Variants in B4GALNT3 observed in about 807,000 individuals in gnomAD.
The protein encoded by B4GALNT3 is beta-1,4-N-acetylgalactosaminyltransferase 3.
Under a neutral mutation model 120.2 loss-of-function variants are expected in B4GALNT3, and 86 were observed. The ratio of observed to expected loss-of-function variants is 0.72; its 90% CI spans 0.60 to 0.86. The LOEUF (loss-of-function observed/expected upper bound fraction) is 0.86. B4GALNT3 is among the 40% of genes least tolerant of loss of function. B4GALNT3 has a pLI of 0.00. For synonymous variants in B4GALNT3, 518 were observed against 510.4 expected (o/e 1.01, Z -0.20); for missense variants, 1,167 against 1,298.9 (o/e 0.90, Z 1.56).
chr12:476,552 A>G (rs1293550249), intron 1 of B4GALNT3, among the ~76,000 whole-genome samples: 46 of 152,328 alleles, frequency 3.0e-4, no homozygotes, highest in Non-Finnish European at 1.5e-5. Context: ...TGGAGGCTGT[A>G]GTGAGCTGTG....
chr12:528,795 C>T (rs1946780341), intron 1 of B4GALNT3, among the ~76,000 whole-genome samples: 1 of 152,264 alleles, frequency 6.6e-6, no homozygotes, highest in Admixed American at 6.5e-5. Flanking sequence ...TCCCAGGACT[C>T]AGTGCTGGTT....
At chr12:514,203 T>TG (rs924182030) in intron 1 of B4GALNT3, among the ~76,000 whole-genome samples, 1 of 150,614 alleles carries the variant, frequency 6.6e-6, no homozygotes, top group Non-Finnish European at 1.5e-5. Flanking sequence ...TTTTTGTTTT[T>TG]TTTTTTTTTT....
At chr12:543,896 G>A (rs1326016175) in intron 3 of B4GALNT3, among the ~76,000 whole-genome samples, 69 of 122,408 alleles carry the variant, frequency 5.6e-4, no homozygotes, top group Admixed American at 4.7e-4. Context: ...TCTTCCTGGA[G>A]CTGAGGAGCT....
intron 2 of B4GALNT3, among the ~76,000 whole-genome samples, chr12:535,652 C>T (rs767905515): frequency 5.9e-5 from 9 of 152,120 alleles, no homozygotes; most frequent in East Asian, 1.9e-4. Flanking sequence ...TCAGAGGTGA[C>T]GAGGTGGATG....
chr12:500,042 C>T (rs938263040), intron 1 of B4GALNT3, among the ~76,000 whole-genome samples: 10 of 152,156 alleles, frequency 6.6e-5, no homozygotes, highest in South Asian at 4.1e-4. Flanking sequence ...CTCTCTTGTT[C>T]GATAGCACAG....
At chr12:522,531 G>A (rs1304200954) in intron 1 of B4GALNT3, among the ~76,000 whole-genome samples, 5 of 152,220 alleles carry the variant, frequency 3.3e-5, no homozygotes, top group African/African-American at 9.7e-5. Context: ...GTGGCAGTTC[G>A]TGTTTAATGG....
At chr12:498,041 A>G (rs933493085) in intron 1 of B4GALNT3, among the ~76,000 whole-genome samples, 1 of 152,032 alleles carries the variant, frequency 6.6e-6, no homozygotes, top group Non-Finnish European at 1.5e-5. Context: ...ACTAAACAAT[A>G]AACAAACCTT....
intron 1 of B4GALNT3, among the ~76,000 whole-genome samples, chr12:484,139 G>A (rs1484622514): frequency 2.0e-5 from 3 of 152,154 alleles, no homozygotes; most frequent in African/African-American, 4.8e-5. Context: ...TTCTCTAATC[G>A]TTCCTTGACC....
At chr12:542,477 G>A (rs1307603632) in intron 3 of B4GALNT3, among the ~76,000 whole-genome samples, 2 of 152,234 alleles carry the variant, frequency 1.3e-5, no homozygotes, top group Non-Finnish European at 2.9e-5. Context: ...TCGTGGGCAT[G>A]GCGGGGAGGC....
intron 1 of B4GALNT3, among the ~76,000 whole-genome samples, chr12:512,310 T>TCTTCCAC (rs1197006527): frequency 9.3e-5 from 10 of 107,030 alleles, no homozygotes; most frequent in African/African-American, 3.2e-4. Context: ...CCTTCCACCT[T>TCTTCCAC]CTTCCACCTT....
At chr12:545,770 A>C (rs1352540309) in intron 6 of B4GALNT3, among the ~76,000 whole-genome samples, 16 of 74,724 alleles carry the variant, frequency 2.1e-4, no homozygotes, top group African/African-American at 5.1e-4. Context: ...TGGGGAGGTG[A>C]GAGGAGTGGG....
chr12:547,829 C>G (rs972522778), intron 7 of B4GALNT3, among the ~76,000 whole-genome samples, 195 bp from the exon 8 acceptor site: 1 of 152,154 alleles, frequency 6.6e-6, no homozygotes, highest in Non-Finnish European at 1.5e-5. Flanking sequence ...TTATGCCCAT[C>G]TCACCAAGAG....
intron 1 of B4GALNT3, among the ~76,000 whole-genome samples, chr12:488,118 T>G (rs1035093706): frequency 1.3e-5 from 2 of 149,394 alleles, no homozygotes; most frequent in Non-Finnish European, 3.0e-5. Flanking sequence ...AAGAAGTGAG[T>G]CAAGTGAAAT....
intron 1 of B4GALNT3, among the ~76,000 whole-genome samples, chr12:531,816 C>T (rs1303717916): frequency 1.3e-5 from 2 of 152,056 alleles, no homozygotes; most frequent in Non-Finnish European, 2.9e-5. Context: ...TAGGTCTGGC[C>T]CACATAATTT....
At chr12:561,253 G>A in intron 19 of B4GALNT3, 90 bp from the exon 20 acceptor site, 1 of 936,064 alleles carries the variant, frequency 1.1e-6, no homozygotes, top group African/African-American at 1.6e-5. Context: ...GCCCCGTGGG[G>A]AGCGAACAGA....
intron 1 of B4GALNT3, among the ~76,000 whole-genome samples, chr12:531,384 C>G (rs1354961985): frequency 6.6e-6 from 1 of 152,122 alleles, no homozygotes; most frequent in Non-Finnish European, 1.5e-5. Context: ...CACGGTGGCT[C>G]ACATCTGTAA....
At chr12:557,566 C>T in intron 15 of B4GALNT3, 42 bp from the exon 16 acceptor site, 1 of 1,584,650 alleles carries the variant, frequency 6.3e-7, no homozygotes, top group South Asian at 1.2e-5. Context: ...CTCATCTTTG[C>T]CTTGTCTGTG....
chr12:494,188 G>A (rs979331750), intron 1 of B4GALNT3, among the ~76,000 whole-genome samples: 1 of 151,820 alleles, frequency 6.6e-6, no homozygotes, highest in Admixed American at 6.6e-5. Context: ...GGAGGTGGGA[G>A]GATTGCTTGA....
chr12:518,334 A>G (rs1342710449), intron 1 of B4GALNT3, among the ~76,000 whole-genome samples: 1 of 152,224 alleles, frequency 6.6e-6, no homozygotes, highest in African/African-American at 2.4e-5. Context: ...AGAATTCCCC[A>G]TGGATACCAA....
Sources: gnomAD v4.1 joint callset for allele counts (sites outside exome capture counted in the v4.1 genomes callset) on GRCh38, gnomAD v4.1.1 for gene constraint, MANE v1.5 for transcripts, NCBI Gene and HGNC (gene_info 2026-07-23, HGNC 2026-07-21) for gene names.